Variants in ZNF597 observed in about 807,000 individuals in gnomAD.
ZNF597 encodes the protein zinc finger protein 597.
A neutral mutation model predicts 7.3 loss-of-function variants in ZNF597; 5 were observed. The ratio of observed to expected loss-of-function variants is 0.68; its 90% CI spans 0.36 to 1.44. ZNF597 has a LOEUF of 1.44. Among genes scored for constraint, ZNF597 ranks in the 40% most tolerant of loss-of-function variants. The probability of loss-of-function intolerance (pLI) is 0.04; values close to 1 mark genes in which losing one functional copy is unlikely to be tolerated. For missense variants in ZNF597, 585 were observed against 517.9 expected, an observed-to-expected ratio of 1.13 and a Z score of -1.26; for synonymous variants, 209 against 185.4, an observed-to-expected ratio of 1.13 and a Z score of -1.04.
In ZNF597 at chr16:3,433,691, C is replaced by A. The variant is rs949846913; in HGVS notation, c.*2733G>T. The A allele has an allele frequency of 6.6e-6, 1 of 152,218 alleles. No individual in the cohort carries two copies. Among genetic ancestry groups the A allele is most frequent in the African/African-American group, 2.4e-5 (1 of 41,442 alleles). The allele number at this position is 152,218 out of a possible 1,614,324, so 9.4% of individuals were successfully genotyped here. On this transcript the variant is annotated 3_prime_UTR_variant, in exon 4 of 4. Coordinates refer to ENST00000301744, the MANE Select transcript of ZNF597 (RefSeq NM_152457.3). ...TCATAAAAAGCCTGAAGCTCACCAG[C>A]AGATATATCTTTTCCTTCAATTCCC...
chr16:3,438,937 A>G (rs916738972), intron 3 of ZNF597, among the ~76,000 whole-genome samples: 2 of 152,226 alleles, frequency 1.3e-5, no homozygotes, highest in Non-Finnish European at 2.9e-5. Flanking sequence ...AGTTCATGGG[A>G]ATCCAAACAG....
chr16:3,440,857 G>C lies in ZNF597; in HGVS notation c.110C>G (p.Ser37Cys), dbSNP rs1323481518. The C allele has an allele frequency of 6.2e-7, 1 of 1,613,944 alleles. No homozygotes were observed. The highest frequency in any genetic ancestry group is 8.5e-7 in the Non-Finnish European group (1 of 1,179,972). Reference protein sequence around the residue: ...ECVTLHPAQRSLSKDGTKESL... With the variant: ...ECVTLHPAQRCLSKDGTKESL... The stretch of plus-strand genomic sequence containing the variant: ...CTCTTTTGTACCATCTTTGCTGAGG[G>C]ACCTCTGGGCAGGGTGCAGAGTCAC... Residue 37 changes from serine to cysteine, a missense_variant, in exon 3 of 4, where the codon TCC becomes TGC. By Grantham distance (112) the Ser-to-Cys change is moderately radical (BLOSUM62 -1). Coordinates refer to ENST00000301744, the MANE Select transcript of ZNF597 (RefSeq NM_152457.3).
intron 2 of ZNF597, among the ~76,000 whole-genome samples, chr16:3,442,323 G>A (rs1418099759): frequency 7.0e-6 from 1 of 142,018 alleles, no homozygotes; most frequent in Non-Finnish European, 1.6e-5. Context: ...GGGAGCCGAG[G>A]TGGGAGGATA....
chr16:3,440,408 G>A (rs947207911), intron 3 of ZNF597, among the ~76,000 whole-genome samples: 2 of 152,158 alleles, frequency 1.3e-5, no homozygotes, highest in African/African-American at 4.8e-5. Flanking sequence ...GGCCGAGGCG[G>A]GTGATCACAA....
chr16:3,438,517 C>T (rs895242022), intron 3 of ZNF597, among the ~76,000 whole-genome samples: 13 of 150,750 alleles, frequency 8.6e-5, no homozygotes, highest in African/African-American at 2.2e-4. Flanking sequence ...GAGCCGAGAT[C>T]GCGCCACTGC....
chr16:3,436,697 T>C lies in ZNF597; in HGVS notation c.1002A>G (p.Ser334=), dbSNP rs756223548. The change falls in exon 4 of 4, where the codon TCA becomes TCG. Residue 334 remains serine (S), a synonymous_variant. Transcript: ENST00000301744. Reference sequence around the variant, plus strand: ...ACTGTAAGGGCTTGAATTTTGAGAATGAGAAGAAATTGTCCCCATCATCGC... The same window carrying C: ...ACTGTAAGGGCTTGAATTTTGAGAACGAGAAGAAATTGTCCCCATCATCGC... ...RCSDDGDNFF[S]FSKFKPLQCP... is the part of the protein sequence containing the mutation. 2 of 1,614,002 alleles carry C rather than the reference T, an allele frequency of 1.2e-6. No individual in the cohort carries two copies. The highest frequency in any genetic ancestry group is 1.7e-6 in the Non-Finnish European group (2 of 1,180,032).
chr16:3,437,678 A>C (rs2034319996), intron 3 of ZNF597, 140 bp from the exon 4 acceptor site: 2 of 1,356,564 alleles, frequency 1.5e-6, no homozygotes, highest in South Asian at 3.3e-5. Flanking sequence ...AACCACACAA[A>C]ATCAGGACCA....
At chr16:3,440,298 G>C (rs963549890) in intron 3 of ZNF597, among the ~76,000 whole-genome samples, 9 of 152,188 alleles carry the variant, frequency 5.9e-5, no homozygotes, top group African/African-American at 2.2e-4. Context: ...GCCATCTCTT[G>C]TACTAAACCA....
Position 3,437,056 on chromosome 16 carries a change from C to CA in ZNF597, c.642dup (p.Ala215CysfsTer19). 7 of 1,614,210 alleles carry CA rather than the reference C, an allele frequency of 4.3e-6. No homozygotes were observed. Among genetic ancestry groups the CA allele is most frequent in the Non-Finnish European group, 5.9e-6 (7 of 1,180,036 alleles). ...TGGCGAAAGCTGGCACTGCACTTGGCACACTTATAAGGTTTCTCACCAGTA... is the reference window on the plus strand; with the variant it reads ...TGGCGAAAGCTGGCACTGCACTTGGCAACACTTATAAGGTTTCTCACCAGTA... On this transcript the variant is annotated frameshift_variant, in exon 4 of 4. Coordinates refer to ENST00000301744, the MANE Select transcript of ZNF597 (RefSeq NM_152457.3). LOFTEE classifies it low-confidence loss of function (END_TRUNC).
chr16:3,437,137 C>G lies in ZNF597; in HGVS notation c.562G>C (p.Asp188His). Residue 188 changes from aspartate to histidine, a missense_variant, in exon 4 of 4, where the codon GAC becomes CAC. Physicochemically the swap from Asp to His is moderately conservative, Grantham distance 81 (BLOSUM62 -1). Coordinates refer to ENST00000301744, the MANE Select transcript of ZNF597 (RefSeq NM_152457.3). Reference protein sequence around the residue: ...HSGEKKHKCGDCGKIFNHRAN... With the variant: ...HSGEKKHKCGHCGKIFNHRAN... ...CTATGATTGAAGATCTTTCCACAGT[C>G]ACCACATTTATGTTTTTTCTCTCCT... 6.2e-7 allele frequency: 1 copy of G among 1,614,154 alleles called. No homozygotes were observed. The highest frequency in any genetic ancestry group is 8.5e-7 in the Non-Finnish European group (1 of 1,180,008).
At chr16:3,439,457 A>T (rs1367740808) in intron 3 of ZNF597, among the ~76,000 whole-genome samples, 1 of 152,198 alleles carries the variant, frequency 6.6e-6, no homozygotes, top group Non-Finnish European at 1.5e-5. Flanking sequence ...AATGCCGTGG[A>T]AAGAACCACC....
chr16:3,437,572 A>T (rs1421261283), intron 3 of ZNF597, 34 bp from the exon 4 acceptor site: 3 of 1,555,402 alleles, frequency 1.9e-6, no homozygotes, highest in Admixed American at 4.1e-5. Flanking sequence ...CAAAACATAG[A>T]CAATATCTTC....
chr16:3,432,956 C>T lies in ZNF597; in HGVS notation c.*3468G>A, dbSNP rs574407582. On this transcript the variant is annotated 3_prime_UTR_variant, in exon 4 of 4. Transcript: ENST00000301744. ...AACCTGCTATGTCTCCCTTTGTACA[C>T]ATAGGCAGTAAATTGCAGATTACTT... 6.6e-6 allele frequency: 1 copy of T among 152,326 alleles called. No homozygotes were observed. Among genetic ancestry groups the T allele is most frequent in the South Asian group, 2.1e-4 (1 of 4,830 alleles). The allele number at this position is 152,326 out of a possible 1,614,324, so 9.4% of individuals were successfully genotyped here. A position where few individuals can be genotyped will look rare whatever the true frequency, so the allele number is the denominator to read the frequency against.
At position 3,433,368 on chromosome 16, in the gene ZNF597, G is replaced by A. The variant is rs1329796935; in HGVS notation, c.*3056C>T. The A allele has an allele frequency of 6.6e-6, 1 of 152,206 alleles. No individual in the cohort carries two copies. The highest frequency in any genetic ancestry group is 1.9e-4 in the East Asian group (1 of 5,200). The allele number at this position is 152,206 out of a possible 1,614,324, so 9.4% of individuals were successfully genotyped here. The stretch of plus-strand genomic sequence containing the variant: ...ATTCCAGCAATCATGTTAAGGAACT[G>A]TTGGATATACATTTTCATCACTGCA... On this transcript the variant is annotated 3_prime_UTR_variant, in exon 4 of 4. Transcript: ENST00000301744.
Position 3,437,055 on chromosome 16 carries a change from G to A in ZNF597, c.644C>T (p.Ala215Val), listed in dbSNP as rs1449400361. The A allele has an allele frequency of 1.9e-6, 3 of 1,614,022 alleles. No individual in the cohort carries two copies. In the East Asian group the frequency reaches 6.7e-5, roughly 36 times the overall value. Reference sequence around the variant, plus strand: ...CTGGCGAAAGCTGGCACTGCACTTGGCACACTTATAAGGTTTCTCACCAGT... The same window carrying A: ...CTGGCGAAAGCTGGCACTGCACTTGACACACTTATAAGGTTTCTCACCAGT... ...IHTGEKPYKCAKCSASFRQHS... is the reference protein window; with the variant it reads ...IHTGEKPYKCVKCSASFRQHS... Residue 215 changes from alanine (A) to valine (V), a missense_variant, in exon 4 of 4, where the codon GCC becomes GTC. By Grantham distance (64) the Ala-to-Val change is moderately conservative (BLOSUM62 0). Transcript: ENST00000301744.
rs1451062817 is a variant in ZNF597, at chr16:3,432,805, A to C, written c.*3619T>G. ...ACAAAACTAAACCAGATGAATACATACACTTCTAATGTAATGAACATCATT... is the reference window on the plus strand; with the variant it reads ...ACAAAACTAAACCAGATGAATACATCCACTTCTAATGTAATGAACATCATT... On this transcript the variant is annotated 3_prime_UTR_variant, in exon 4 of 4. Coordinates refer to ENST00000301744, the MANE Select transcript of ZNF597 (RefSeq NM_152457.3). 1 of 152,244 alleles carries C rather than the reference A, an allele frequency of 6.6e-6. No individual in the cohort carries two copies. 9.4% of individuals were successfully genotyped at this position (152,244 alleles called of 1,614,324 possible). A position where few individuals can be genotyped will look rare whatever the true frequency, so the allele number is the denominator to read the frequency against.
intron 2 of ZNF597, 139 bp downstream of exon 2, chr16:3,442,982 G>A: frequency 2.0e-6 from 2 of 998,258 alleles, no homozygotes; most frequent in Non-Finnish European, 3.1e-6. Context: ...TTGGAACGAA[G>A]AACACTTGGT....
At chr16:3,437,998 G>A (rs2034323089) in intron 3 of ZNF597, among the ~76,000 whole-genome samples, 1 of 152,172 alleles carries the variant, frequency 6.6e-6, no homozygotes, top group African/African-American at 2.4e-5. Flanking sequence ...AAGCTGAGGT[G>A]GGAGCATCAC....
At chr16:3,443,036 C>T (rs1482117444) in intron 2 of ZNF597, 85 bp downstream of exon 2, 3 of 1,536,604 alleles carry the variant, frequency 2.0e-6, no homozygotes, top group East Asian at 2.2e-5. Flanking sequence ...CCACAACAGG[C>T]ATGCCCAACT....
Sources: gnomAD v4.1 joint callset for allele counts (sites outside exome capture counted in the v4.1 genomes callset) on GRCh38, gnomAD v4.1.1 for gene constraint, MANE v1.5 for transcripts, NCBI Gene and HGNC (gene_info 2026-07-23, HGNC 2026-07-21) for gene names.